Variants in TMCO6 observed in about 807,000 individuals in gnomAD.
TMCO6 encodes the protein transmembrane and coiled-coil domains 6.
TMCO6 carries 47 observed loss-of-function variants against 61.8 expected under a neutral mutation model. That is an observed-to-expected ratio of 0.76 (90% CI 0.60 to 0.97). The LOEUF is 0.97. Among genes scored for constraint, TMCO6 ranks in the 50% least tolerant of loss-of-function variants. The pLI, the probability that TMCO6 is intolerant of heterozygous loss-of-function variation, is 0.00. For missense variants in TMCO6, 557 were observed against 601.6 expected (o/e 0.93, Z 0.78); for synonymous variants, 261 against 254.2 (o/e 1.03, Z -0.25).
downstream of TMCO6, among the ~76,000 whole-genome samples, chr5:140,646,377 C>T (rs1308504692): frequency 6.6e-6 from 1 of 152,112 alleles, no homozygotes; most frequent in Non-Finnish European, 1.5e-5. Context: ...ACTAAAGTTA[C>T]TCGTGTCTAT....
the TMCO6 span, among the ~76,000 whole-genome samples, chr5:140,624,747 C>G: frequency 2.0e-5 from 3 of 151,560 alleles, no homozygotes; most frequent in African/African-American, 7.3e-5. Flanking sequence ...AGGCTGGTCT[C>G]GAACTCCTGA....
the TMCO6 span, among the ~76,000 whole-genome samples, chr5:140,605,720 CACACACACACACACACACA>C: frequency 5.1e-4 from 56 of 108,828 alleles, 1 homozygote; most frequent in Middle Eastern, 4.0e-3. Flanking sequence ...CACACACACA[CACACACACACACACACACA>C]AAGAAAGAAG....
chr5:140,628,343 C>G, the TMCO6 span, among the ~76,000 whole-genome samples: 1 of 152,262 alleles, frequency 6.6e-6, no homozygotes, highest in South Asian at 2.1e-4. Context: ...GAAATTGCGG[C>G]CCAGCAGGTC....
intron 7 of TMCO6, 104 bp downstream of exon 7, chr5:140,643,145 T>C: frequency 1.3e-6 from 2 of 1,503,708 alleles, no homozygotes; most frequent in Non-Finnish European, 1.8e-6. Flanking sequence ...TGAGTTTTCC[T>C]CCCTCCACTG....
chr5:140,628,960 G>T, the TMCO6 span, among the ~76,000 whole-genome samples: 2 of 152,114 alleles, frequency 1.3e-5, no homozygotes, highest in Non-Finnish European at 2.9e-5. Flanking sequence ...TATGTGATGG[G>T]TTACAATCCA....
the TMCO6 span, chr5:140,609,009 A>G: frequency 6.6e-6 from 1 of 152,238 alleles, no homozygotes. Flanking sequence ...AAACTTTACA[A>G]TTAGCTTGTC....
the TMCO6 span, among the ~76,000 whole-genome samples, chr5:140,619,529 A>G: frequency 3.6e-4 from 55 of 152,276 alleles, no homozygotes; most frequent in Admixed American, 3.3e-3. Context: ...GGGAGGCTAA[A>G]AGCAGACTTG....
chr5:140,636,781 T>C, upstream of TMCO6, among the ~76,000 whole-genome samples: 1 of 152,188 alleles, frequency 6.6e-6, no homozygotes, highest in East Asian at 1.9e-4. Flanking sequence ...TAGAATTAAG[T>C]TCAAGGGAAA....
the TMCO6 span, chr5:140,632,721 G>A: frequency 1.2e-6 from 2 of 1,613,676 alleles, no homozygotes; most frequent in Non-Finnish European, 1.7e-6. This position sits in a 1 kb window ranked among gnomAD's most constrained non-coding sequence, Gnocchi z 6.2. Flanking sequence ...CACGCGGAGA[G>A]CCTTGACCGT....
rs777507939 is a variant in TMCO6 at position 140,642,691 on chromosome 5, G to T, written c.689+20G>T. ...CATTCCGTGAGTAAAATTGTCTTTA[G>T]ATGTGCAGCCAGAGGTGACCCACTC... On this transcript the variant is annotated intron_variant, in intron 6 of 11. Coordinates refer to ENST00000394671, the MANE Select transcript of TMCO6 (RefSeq NM_018502.5). 7.4e-6 allele frequency: 12 copies of T among 1,613,504 alleles called. No homozygotes were observed. Among genetic ancestry groups the T allele is most frequent in the Admixed American group, 1.7e-5 (1 of 60,016 alleles).
At chr5:140,605,687 A>C in the TMCO6 span, among the ~76,000 whole-genome samples, 1 of 133,928 alleles carries the variant, frequency 7.5e-6, no homozygotes, top group African/African-American at 3.0e-5. Flanking sequence ...CTCAAAAAAA[A>C]ACAAAACACA....
the TMCO6 span, among the ~76,000 whole-genome samples, chr5:140,606,306 G>T: frequency 2.0e-5 from 3 of 151,430 alleles, no homozygotes; most frequent in Admixed American, 6.6e-5. Context: ...GTGCCACCAG[G>T]CCTGGCTAAA....
At chr5:140,597,509 C>A in the TMCO6 span, among the ~76,000 whole-genome samples, 1 of 152,206 alleles carries the variant, frequency 6.6e-6, no homozygotes, top group Non-Finnish European at 1.5e-5. Flanking sequence ...ACCATATCAT[C>A]CCTTGCTCTG....
At chr5:140,619,622 A>C in the TMCO6 span, among the ~76,000 whole-genome samples, 1 of 152,152 alleles carries the variant, frequency 6.6e-6, no homozygotes. Flanking sequence ...AAAGAAAAAA[A>C]AAAGCAGTCC....
the TMCO6 span, among the ~76,000 whole-genome samples, chr5:140,607,071 T>G: frequency 6.6e-6 from 1 of 152,128 alleles, no homozygotes; most frequent in African/African-American, 2.4e-5. Context: ...TTTGGCCATT[T>G]TTAAGTGTAT....
At chr5:140,632,416 C>T in the TMCO6 span, 2 of 1,614,220 alleles carry the variant, frequency 1.2e-6, no homozygotes, top group South Asian at 1.1e-5. The surrounding 1 kb of genome is among the most constrained non-coding windows in gnomAD (Gnocchi z 6.2). Context: ...AAGGCGCGAA[C>T]CTGTTCGCAG....
chr5:140,611,068 G>T, the TMCO6 span, among the ~76,000 whole-genome samples: 1 of 152,148 alleles, frequency 6.6e-6, no homozygotes, highest in African/African-American at 2.4e-5. Context: ...AACATGAAAG[G>T]CAGCTCAACA....
downstream of TMCO6, chr5:140,647,489 C>G (rs538560846): frequency 1.2e-6 from 2 of 1,612,326 alleles, no homozygotes; most frequent in Admixed American, 3.3e-5. Context: ...TCACCTGACG[C>G]CCTGGCTGCC....
In TMCO6 at chr5:140,643,575, A is replaced by G. The variant is rs370995426; in HGVS notation, c.818A>G (p.Asn273Ser). 8.7e-6 allele frequency: 14 copies of G among 1,613,744 alleles called. No individual in the cohort carries two copies. The highest frequency in any genetic ancestry group is 6.7e-5 in the African/African-American group (5 of 74,904). ...LHYIICSQVS[N>S]PLLIGHGALS... ...TTCCTGTTGCCCAGCCAGGTCAGCA[A>G]TCCTCTGCTCATTGGCCATGGGGCT... is the stretch of plus-strand genomic sequence containing the variant. Residue 273 changes from asparagine to serine, a missense_variant, in exon 8 of 12, where the codon AAT (asparagine) becomes AGT (serine). By Grantham distance (46) the Asn-to-Ser change is conservative. Coordinates refer to ENST00000394671, the MANE Select transcript of TMCO6 (RefSeq NM_018502.5).
Sources: allele counts gnomAD v4.1 joint callset (sites outside exome capture counted in the v4.1 genomes callset), GRCh38; gene constraint gnomAD v4.1.1; non-coding constraint Gnocchi (gnomAD v3.1); transcripts MANE v1.5; gene names NCBI Gene and HGNC (gene_info 2026-07-23, HGNC 2026-07-21).